RBFOX1: variants seen among roughly 807,000 people sequenced by gnomAD.
RBFOX1 encodes RNA binding fox-1 homolog 1, also known as RNA binding protein fox-1 homolog 1.
A neutral mutation model predicts 57.7 loss-of-function variants in RBFOX1; 8 were observed. The ratio of observed to expected loss-of-function variants is 0.14; its 90% CI spans 0.08 to 0.25. The LOEUF (loss-of-function observed/expected upper bound fraction) is 0.25, where lower values mean the gene tolerates loss of function less well. Ranked by LOEUF, RBFOX1 falls within the 10% of genes least tolerant of loss-of-function variation. The pLI is 1.00. For synonymous variants in RBFOX1, 326 were observed against 222.4 expected, an observed-to-expected ratio of 1.47 and a Z score of -4.15; for missense variants, 611 against 548.5, an observed-to-expected ratio of 1.11 and a Z score of -1.14.
chr16:5,434,958 A>C (rs968264266), intron 1 of RBFOX1, among the ~76,000 whole-genome samples: 19 of 152,164 alleles, frequency 1.2e-4, no homozygotes, highest in African/African-American at 1.4e-4. Flanking sequence ...TCCTCCTGCT[A>C]TTAATTTCAC....
chr16:6,605,269 C>G (rs35741175), intron 2 of RBFOX1, among the ~76,000 whole-genome samples: 1 of 151,580 alleles, frequency 6.6e-6, no homozygotes, highest in Admixed American at 6.6e-5. Context: ...CCAACACATA[C>G]AATTAAAGAA....
chr16:6,988,596 C>G (rs1183582608), intron 3 of RBFOX1, among the ~76,000 whole-genome samples: 1 of 150,410 alleles, frequency 6.6e-6, no homozygotes, highest in Non-Finnish European at 1.5e-5. Flanking sequence ...TATTTGGGAC[C>G]GAGTCTTGCT....
At chr16:6,137,186 A>C (rs911738660) in intron 1 of RBFOX1, among the ~76,000 whole-genome samples, 27 of 152,264 alleles carry the variant, frequency 1.8e-4, no homozygotes, top group African/African-American at 6.5e-4. Context: ...GTAAATAATT[A>C]GATAGAAAAC....
intron 3 of RBFOX1, among the ~76,000 whole-genome samples, chr16:6,966,785 A>ATCTGTCTGTCTGTCTGTCTG (rs1188405696): frequency 7.4e-5 from 4 of 53,938 alleles, no homozygotes; most frequent in African/African-American, 2.1e-4. Flanking sequence ...CTATCTATCT[A>ATCTGTCTGTCTGTCTGTCTG]TCTATCTGTC....
At chr16:6,565,435 T>G (rs1485366312) in intron 2 of RBFOX1, among the ~76,000 whole-genome samples, 1 of 151,372 alleles carries the variant, frequency 6.6e-6, no homozygotes, top group Non-Finnish European at 1.5e-5. Flanking sequence ...TTTTTTGTAT[T>G]TTTAGTAGAG....
At chr16:6,425,958 C>G (rs922975790) in intron 2 of RBFOX1, among the ~76,000 whole-genome samples, 1 of 152,134 alleles carries the variant, frequency 6.6e-6, no homozygotes, top group Non-Finnish European at 1.5e-5. Flanking sequence ...CCATTTACCC[C>G]TCCCCCAGCC....
At chr16:6,042,992 CTGTAGTCCCAGGTACT>C (rs1228239786) in intron 1 of RBFOX1, among the ~76,000 whole-genome samples, 1 of 151,490 alleles carries the variant, frequency 6.6e-6, no homozygotes, top group Non-Finnish European at 1.5e-5. Flanking sequence ...TGGCATGCAC[CTGTAGTCCCAGGTACT>C]TGGGAGGCTA....
At chr16:5,383,742 A>G (rs1389543282) in intron 1 of RBFOX1, among the ~76,000 whole-genome samples, 1 of 152,204 alleles carries the variant, frequency 6.6e-6, no homozygotes, top group Non-Finnish European at 1.5e-5. Context: ...GTTTTTTATT[A>G]GAGGACCTCA....
chr16:7,518,547 A>C (rs1218360614), intron 5 of RBFOX1, among the ~76,000 whole-genome samples, 158 bp downstream of exon 5: 1 of 152,196 alleles, frequency 6.6e-6, no homozygotes, highest in Non-Finnish European at 1.5e-5. Context: ...AGTTTACCTC[A>C]TTTCCATGCA....
intron 1 of RBFOX1, among the ~76,000 whole-genome samples, chr16:6,202,617 T>G (rs184531954): frequency 6.6e-6 from 1 of 152,226 alleles, no homozygotes; most frequent in African/African-American, 2.4e-5. Flanking sequence ...TGAGGTATAA[T>G]TGGTATTAAA....
At chr16:5,788,416 C>G (rs1033208033) in intron 3 of RBFOX1, among the ~76,000 whole-genome samples, 15 of 152,090 alleles carry the variant, frequency 9.9e-5, no homozygotes, top group East Asian at 7.7e-4. Context: ...ATCACCTGAT[C>G]TCAGGAGTTT....
At chr16:7,486,588 C>A (rs72773030) in intron 4 of RBFOX1, among the ~76,000 whole-genome samples, 5 of 152,006 alleles carry the variant, frequency 3.3e-5, no homozygotes, top group East Asian at 1.9e-4. Context: ...CAGGGGAAGG[C>A]GAGCAAAGCA....
rs565930185 is a variant in RBFOX1, at chr16:6,336,427, C to A, written c.-64+19370C>A. On this transcript the variant is annotated intron_variant, in intron 2 of 15. Coordinates refer to ENST00000550418, the MANE Select transcript of RBFOX1 (RefSeq NM_018723.4). ...TTTTTAGTCTCAGTTGAAATGGGGA[C>A]CCTATGGCTCTGAGAAGTCAAGACC... 4.9e-4 allele frequency among the ~76,000 whole-genome samples: 75 copies of A among 151,520 alleles called. 1 individual carries two copies. Among genetic ancestry groups the A allele is most frequent in the Non-Finnish European group, 4.6e-4 (31 of 67,882 alleles).
intron 2 of RBFOX1, among the ~76,000 whole-genome samples, chr16:6,542,737 C>G (rs1334261497): frequency 6.7e-6 from 1 of 149,610 alleles, no homozygotes; most frequent in Non-Finnish European, 1.5e-5. Flanking sequence ...CGTGATCTGC[C>G]TGCCTCGGCC....
intron 4 of RBFOX1, among the ~76,000 whole-genome samples, chr16:7,170,437 A>T (rs2080457384): frequency 6.6e-6 from 1 of 152,024 alleles, no homozygotes; most frequent in African/African-American, 2.4e-5. Flanking sequence ...ACACCCAGCT[A>T]ATTAAAATTC....
rs112729172 is a variant in RBFOX1, at chr16:6,064,840, C to T, written c.-127+44848C>T. Among the ~76,000 whole-genome samples the T allele has an allele frequency of 1.7e-3, 262 of 152,086 alleles. 3 individuals carry two copies. The highest frequency in any genetic ancestry group is 6.1e-3 in the African/African-American group (252 of 41,478). On this transcript the variant is annotated intron_variant, in intron 1 of 15. Coordinates refer to ENST00000550418, the MANE Select transcript of RBFOX1 (RefSeq NM_018723.4). ...GATCTTGCCCCTCCATCAATGATTT[C>T]CAAACCTGACATTGTATTTGAATTG...
At chr16:5,949,543 AAAG>A (rs796540583) in intron 4 of RBFOX1, among the ~76,000 whole-genome samples, 1,262 of 39,726 alleles carry the variant, frequency 0.032, 61 homozygotes, top group African/African-American at 0.12. Flanking sequence ...AAAAAAAAAA[AAAG>A]AAAAGAATAC....
chr16:7,245,268 A>T (rs1051341170), intron 4 of RBFOX1, among the ~76,000 whole-genome samples: 8 of 152,140 alleles, frequency 5.3e-5, no homozygotes, highest in African/African-American at 1.9e-4. Context: ...ATTTTCTTTG[A>T]GAGCTTTGAA....
At chr16:7,166,844 C>T (rs1281929647) in intron 4 of RBFOX1, among the ~76,000 whole-genome samples, 2 of 151,980 alleles carry the variant, frequency 1.3e-5, no homozygotes, top group African/African-American at 2.4e-5. Context: ...TGAAACAACT[C>T]GGGGGTGGTG....
Sources: allele counts gnomAD v4.1 joint callset (sites outside exome capture counted in the v4.1 genomes callset), GRCh38; gene constraint gnomAD v4.1.1; transcripts MANE v1.5; gene names NCBI Gene and HGNC (gene_info 2026-07-23, HGNC 2026-07-21).